The following PHYHIPL variants were observed in gnomAD, a reference collection of about 807,000 sequenced individuals.
PHYHIPL encodes the protein phytanoyl-CoA hydroxylase-interacting protein-like.
Under a neutral mutation model 33.4 loss-of-function variants are expected in PHYHIPL, and 9 were observed. The ratio of observed to expected loss-of-function variants is 0.27; its 90% CI spans 0.16 to 0.47. PHYHIPL has a LOEUF of 0.47. Ranked by LOEUF, PHYHIPL falls within the 20% of genes least tolerant of loss-of-function variation. The pLI, the probability that PHYHIPL is intolerant of heterozygous loss-of-function variation, is 0.99. For synonymous variants in PHYHIPL, 153 were observed against 154.1 expected, an observed-to-expected ratio of 0.99 and a Z score of 0.05; for missense variants, 365 against 460.7, an observed-to-expected ratio of 0.79 and a Z score of 1.90.
intron 4 of PHYHIPL, among the ~76,000 whole-genome samples, chr10:59,242,590 T>C (rs1589301646): frequency 6.6e-6 from 1 of 151,936 alleles, no homozygotes; most frequent in Admixed American, 6.6e-5. Flanking sequence ...ACCAAAATAA[T>C]GCAGATCTTG....
chr10:59,201,043 G>A (rs1839091420), intron 1 of PHYHIPL, among the ~76,000 whole-genome samples: 1 of 152,070 alleles, frequency 6.6e-6, no homozygotes, highest in South Asian at 2.1e-4. Flanking sequence ...AGGGTTTTTT[G>A]TGTCTCTATC....
chr10:59,201,693 A>C (rs545613451), intron 1 of PHYHIPL, among the ~76,000 whole-genome samples: 2 of 152,268 alleles, frequency 1.3e-5, no homozygotes, highest in East Asian at 3.9e-4. Context: ...ATCAGAGTGT[A>C]ATGAATCCTT....
upstream of PHYHIPL, among the ~76,000 whole-genome samples, chr10:59,175,687 C>A (rs138514830): frequency 6.6e-6 from 1 of 152,092 alleles, no homozygotes; most frequent in African/African-American, 2.4e-5. Context: ...ATCTTAAATG[C>A]AATTAAAATC....
chr10:59,180,352 A>G (rs1183684305), intron 1 of PHYHIPL, among the ~76,000 whole-genome samples: 2 of 116,618 alleles, frequency 1.7e-5, no homozygotes, highest in African/African-American at 3.6e-5. Context: ...ATATATATAT[A>G]TATATATATA....
intron 1 of PHYHIPL, among the ~76,000 whole-genome samples, chr10:59,189,396 T>C (rs976658338): frequency 2.6e-5 from 4 of 152,120 alleles, no homozygotes; most frequent in African/African-American, 9.6e-5. Context: ...TGATAGTTTG[T>C]AGACTATTGC....
At chr10:59,206,816 G>A in intron 1 of PHYHIPL, 1 of 1,215,130 alleles carries the variant, frequency 8.2e-7, no homozygotes, top group Non-Finnish European at 1.0e-6. Context: ...TTGGTTCATG[G>A]CAAGTTATTA....
At chr10:59,178,410 A>C (rs1424389769) in intron 1 of PHYHIPL, among the ~76,000 whole-genome samples, 1 of 152,166 alleles carries the variant, frequency 6.6e-6, no homozygotes, top group Non-Finnish European at 1.5e-5. Flanking sequence ...GTAAGCTTGC[A>C]TGATTATAGA....
intron 1 of PHYHIPL, among the ~76,000 whole-genome samples, chr10:59,186,569 T>G (rs1489092493): frequency 6.6e-6 from 1 of 152,230 alleles, no homozygotes; most frequent in East Asian, 1.9e-4. Flanking sequence ...TATGGCCATT[T>G]TCACGATATT....
intron 1 of PHYHIPL, among the ~76,000 whole-genome samples, chr10:59,185,518 T>C (rs2133187772): frequency 6.6e-6 from 1 of 152,324 alleles, no homozygotes; most frequent in East Asian, 1.9e-4. Context: ...TTTCTAATTC[T>C]AGATCCCTGA....
intron 1 of PHYHIPL, among the ~76,000 whole-genome samples, chr10:59,226,979 G>A (rs1465846690): frequency 1.3e-5 from 2 of 152,050 alleles, no homozygotes; most frequent in Non-Finnish European, 2.9e-5. Flanking sequence ...CTCAAATTTA[G>A]CCAATATAAA....
At chr10:59,193,394 T>TA (rs907776846) in intron 1 of PHYHIPL, among the ~76,000 whole-genome samples, 17 of 152,244 alleles carry the variant, frequency 1.1e-4, no homozygotes, top group African/African-American at 3.9e-4. Flanking sequence ...CTGTGTTGCA[T>TA]AAAATAAATA....
intron 3 of PHYHIPL, 87 bp downstream of exon 3, chr10:59,236,744 A>G: frequency 8.4e-7 from 1 of 1,189,060 alleles, no homozygotes; most frequent in Non-Finnish European, 1.1e-6. Context: ...TGTAATTATA[A>G]AGTGATATAT....
chr10:59,176,682 C>T lies in PHYHIPL; in HGVS notation c.-172C>T. On this transcript the variant is annotated 5_prime_UTR_variant, in exon 1 of 5. Transcript: ENST00000373880. ...CGCGGAGCTCCTGCCACAGCCGTCG[C>T]CTTCGCGGCGGCTCTCCAGCCCCGC... 1.7e-6 allele frequency: 1 copy of T among 590,620 alleles called. No individual in the cohort carries two copies. The highest frequency in any genetic ancestry group is 2.9e-6 in the Non-Finnish European group (1 of 340,146). The allele number at this position is 590,620 out of a possible 1,614,324, so 36.6% of individuals were successfully genotyped here. A position where few individuals can be genotyped will look rare whatever the true frequency, so the allele number is the denominator to read the frequency against.
At chr10:59,177,370 C>T in intron 1 of PHYHIPL, 1 of 1,126,330 alleles carries the variant, frequency 8.9e-7, no homozygotes, top group Non-Finnish European at 1.2e-6. Context: ...CACACACACA[C>T]TAGTTGGCAT....
rs371176262 is a variant in PHYHIPL, at chr10:59,244,917, ATGT to A, written c.597-136_597-134del. ...CCATCTATAGGTAATATGTCAAAAG[ATGT>A]TGTCCCCTTATTCTGATAGTAAGAG... On this transcript the variant is annotated intron_variant, in intron 4 of 4. Coordinates refer to ENST00000373880, the MANE Select transcript of PHYHIPL (RefSeq NM_032439.4). 5.0e-4 allele frequency: 409 copies of A among 819,964 alleles called. 8 individuals carry two copies. The South Asian group carries it at 8.6e-3, about 17-fold the overall frequency. 50.8% of individuals were successfully genotyped at this position (819,964 alleles called of 1,614,324 possible). A position where few individuals can be genotyped will look rare whatever the true frequency, so the allele number is the denominator to read the frequency against.
intron 1 of PHYHIPL, among the ~76,000 whole-genome samples, chr10:59,223,670 A>AT (rs112103554): frequency 0.2 from 30,421 of 149,820 alleles, 3,947 homozygotes; most frequent in African/African-American, 0.36. Flanking sequence ...CAGTTTAACT[A>AT]TTTTTTTTTT....
At chr10:59,191,235 A>T (rs1157731152) in intron 1 of PHYHIPL, among the ~76,000 whole-genome samples, 1 of 152,002 alleles carries the variant, frequency 6.6e-6, no homozygotes, top group African/African-American at 2.4e-5. Flanking sequence ...TAAATTGGAA[A>T]GATCTTACAT....
chr10:59,191,402 C>T (rs780001238), intron 1 of PHYHIPL, among the ~76,000 whole-genome samples: 2 of 151,892 alleles, frequency 1.3e-5, no homozygotes, highest in African/African-American at 2.4e-5. Flanking sequence ...AAGGTTTTCT[C>T]TAATTGTGTA....
chr10:59,223,695 G>C lies in PHYHIPL; in HGVS notation c.107-10609G>C, dbSNP rs553718321. 4.6e-5 allele frequency among the ~76,000 whole-genome samples: 7 copies of C among 151,790 alleles called. No homozygotes were observed. In the East Asian group the frequency reaches 1.4e-3, roughly 29 times the overall value. On this transcript the variant is annotated intron_variant, in intron 1 of 4. Coordinates refer to ENST00000373880, the MANE Select transcript of PHYHIPL (RefSeq NM_032439.4). ...ATTTTTTTTTTGAGACAGGGTCTCT[G>C]TCACCAAGGCTAGAGTTCAGTGGCA...
Sources: gnomAD v4.1 joint callset for allele counts (sites outside exome capture counted in the v4.1 genomes callset) on GRCh38, gnomAD v4.1.1 for gene constraint, MANE v1.5 for transcripts, NCBI Gene and HGNC (gene_info 2026-07-23, HGNC 2026-07-21) for gene names.